The following ERCC6L2 variants were observed in gnomAD, a reference collection of about 807,000 sequenced individuals.
ERCC6L2 encodes the protein ERCC excision repair 6 like 2.
A neutral mutation model predicts 132.0 loss-of-function variants in ERCC6L2; 77 were observed. The ratio of observed to expected loss-of-function variants is 0.58; its 90% confidence interval spans 0.49 to 0.71. The LOEUF (loss-of-function observed/expected upper bound fraction) is 0.71. ERCC6L2 is among the 30% of genes least tolerant of loss of function. The pLI is 0.00. For synonymous variants in ERCC6L2, 583 were observed against 632.4 expected, an observed-to-expected ratio of 0.92 and a Z score of 1.17; for missense variants, 1,542 against 1,837.6, an observed-to-expected ratio of 0.84 and a Z score of 2.94.
chr9:95,932,775 T>C (rs56757664), intron 11 of ERCC6L2, among the ~76,000 whole-genome samples: 3,820 of 152,310 alleles, frequency 0.025, 169 homozygotes, highest in African/African-American at 0.088. Context: ...GATATACTTA[T>C]TTGATACAGG....
intron 19 of ERCC6L2, among the ~76,000 whole-genome samples, chr9:96,034,669 A>G (rs970829664): frequency 6.6e-6 from 1 of 152,152 alleles, no homozygotes; most frequent in Non-Finnish European, 1.5e-5. Flanking sequence ...CACTCCATGA[A>G]GCTGGTGGGA....
chr9:95,935,416 A>G (rs574749559), intron 11 of ERCC6L2, among the ~76,000 whole-genome samples: 1 of 152,284 alleles, frequency 6.6e-6, no homozygotes, highest in South Asian at 2.1e-4. Flanking sequence ...AACGAAGCTC[A>G]GTTTAACAGA....
intron 4 of ERCC6L2, among the ~76,000 whole-genome samples, chr9:95,914,570 T>G (rs1829491856): frequency 1.3e-5 from 2 of 152,288 alleles, no homozygotes; most frequent in Middle Eastern, 3.4e-3. Context: ...GCCAGGATGG[T>G]CTTGATTTTC....
rs547650093 is a variant in ERCC6L2 at position 95,885,042 on chromosome 9, C to T, written c.471+3749C>T. On this transcript the variant is annotated intron_variant, in intron 2 of 18. Coordinates refer to ENST00000653738, the MANE Select transcript of ERCC6L2 (RefSeq NM_020207.7). ...ATATACATGTACTTCTGTAAACACA[C>T]ACACAAACATACATATGCAAAAAAT... 3.3e-5 allele frequency among the ~76,000 whole-genome samples: 5 copies of T among 152,242 alleles called. No homozygotes were observed. The South Asian group carries it at 1.0e-3, about 32-fold the overall frequency.
At position 95,956,992 on chromosome 9, in the gene ERCC6L2, T is replaced by C. The variant is rs554285300; in HGVS notation, c.1947+979T>C. ...AGGTGCATGATGTACATGATGAAAC[T>C]GGGACCCCAGAGATCCCCCAGTAAA... On this transcript the variant is annotated intron_variant, in intron 13 of 18. Transcript: ENST00000653738. Among the ~76,000 whole-genome samples, 13 of 152,336 alleles carry C rather than the reference T, an allele frequency of 8.5e-5. No homozygotes were observed. The South Asian group carries it at 2.5e-3, about 29-fold the overall frequency.
Position 96,004,670 on chromosome 9 carries a change from A to G in ERCC6L2, c.3643A>G (p.Ile1215Val). ...KVYHTNQTTF[I>V]IGETPKGIRR... ...CTACCATACAAACCAGACCACCTTC[A>G]TAATTGGAGAAACACCAAAAGGAAT... Residue 1215 changes from isoleucine to valine, a missense_variant, in exon 18 of 19, where the codon ATA (isoleucine) becomes GTA (valine). Around this residue, in one of 4 missense-constraint regions of ERCC6L2, gnomAD observed 442 missense variants for 583.4 expected, o/e 0.76. Coordinates refer to ENST00000653738, the MANE Select transcript of ERCC6L2 (RefSeq NM_020207.7). 7.4e-7 allele frequency: 1 copy of G among 1,343,282 alleles called. No homozygotes were observed. Among genetic ancestry groups the G allele is most frequent in the Non-Finnish European group, 9.9e-7 (1 of 1,008,792 alleles). The allele number at this position is 1,343,282 out of a possible 1,614,324, so 83.2% of individuals were successfully genotyped here. A position where few individuals can be genotyped will look rare whatever the true frequency, so the allele number is the denominator to read the frequency against.
At chr9:95,989,855 A>G (rs1315381637) in intron 17 of ERCC6L2, among the ~76,000 whole-genome samples, 1 of 152,256 alleles carries the variant, frequency 6.6e-6, no homozygotes, top group Non-Finnish European at 1.5e-5. Context: ...AGAAAAGAGT[A>G]TGCAAGGGAA....
intron 19 of ERCC6L2, among the ~76,000 whole-genome samples, chr9:96,034,528 G>T (rs1345405051): frequency 6.6e-6 from 1 of 152,230 alleles, no homozygotes; most frequent in Admixed American, 6.5e-5. Context: ...TTCAGGGAAA[G>T]CTTCCTGGGA....
intron 6 of ERCC6L2, among the ~76,000 whole-genome samples, chr9:95,919,488 T>C (rs1829760606): frequency 6.6e-6 from 1 of 152,066 alleles, no homozygotes; most frequent in African/African-American, 2.4e-5. Flanking sequence ...GGCGTCAAAG[T>C]GGTCCACTTG....
At chr9:95,899,590 T>TTATATATATA (rs150595611) in intron 3 of ERCC6L2, among the ~76,000 whole-genome samples, 10 of 138,488 alleles carry the variant, frequency 7.2e-5, no homozygotes, top group African/African-American at 2.8e-4. Context: ...TTTTTTCTCT[T>TTATATATATA]TATATATATA....
In ERCC6L2 at chr9:95,972,872, T is replaced by G. The variant is rs777486284; in HGVS notation, c.3121T>G (p.Tyr1041Asp). 1.5e-4 allele frequency: 195 copies of G among 1,305,148 alleles called. No homozygotes were observed. The highest frequency in any genetic ancestry group is 1.9e-4 in the Non-Finnish European group (189 of 988,904). 80.8% of individuals were successfully genotyped at this position (1,305,148 alleles called of 1,614,324 possible). Residue 1041 changes from tyrosine (Y) to aspartate (D), a missense_variant, in exon 16 of 19, where the codon TAT becomes GAT. Coordinates refer to ENST00000653738, the MANE Select transcript of ERCC6L2 (RefSeq NM_020207.7). ...EDHNSQFIDD[Y>D]SSSDESLSVS... ...TCATAACTCTCAGTTTATTGATGAT[T>G]ATTCATCCTCAGATGAGAGTTTATC...
chr9:95,936,296 G>A (rs1438664572), intron 11 of ERCC6L2, among the ~76,000 whole-genome samples: 1 of 152,152 alleles, frequency 6.6e-6, no homozygotes, highest in Admixed American at 6.6e-5. Context: ...TCTGGGTCCA[G>A]GGAAGTATTA....
intron 18 of ERCC6L2, 82 bp downstream of exon 18, chr9:96,004,783 G>T (rs369243674): frequency 2.2e-6 from 2 of 894,828 alleles, no homozygotes; most frequent in African/African-American, 3.5e-5. Context: ...GTAAATACTT[G>T]AATTATAACC....
chr9:95,949,378 C>T (rs1481443858), intron 12 of ERCC6L2, among the ~76,000 whole-genome samples: 1 of 147,160 alleles, frequency 6.8e-6, no homozygotes, highest in Non-Finnish European at 1.5e-5. Context: ...ATAGTATAAA[C>T]CCAGTGAGAT....
chr9:95,998,245 C>A (rs1245289217), intron 17 of ERCC6L2, among the ~76,000 whole-genome samples: 1 of 152,080 alleles, frequency 6.6e-6, no homozygotes, highest in Admixed American at 6.6e-5. Context: ...ATCTACAGAA[C>A]CTTTGGAGGG....
At chr9:96,020,841 A>G (rs1012415938), downstream of ERCC6L2, 7 of 456,644 alleles carry the variant, frequency 1.5e-5, no homozygotes, top group African/African-American at 1.4e-4. Context: ...TTAAAACCCC[A>G]GAGCAGCAGC....
chr9:95,954,891 C>G (rs1347690572), intron 12 of ERCC6L2: 1 of 470,818 alleles, frequency 2.1e-6, no homozygotes, highest in East Asian at 6.9e-5. Context: ...CCAAGATGTC[C>G]TCGAGTAAAA....
chr9:96,036,659 G>A (rs79194311), intron 19 of ERCC6L2, among the ~76,000 whole-genome samples: 6,496 of 151,994 alleles, frequency 0.043, 476 homozygotes, highest in African/African-American at 0.15. Context: ...AATTTCTCAC[G>A]TCCTTTCCAA....
At position 96,016,904 on chromosome 9, in the gene ERCC6L2, TTTTGTGTG is replaced by T. The variant is rs150472065; in HGVS notation, c.*3707_*3714del. ...GGATCACTGCCTGCCTTAAAGGTTT[TTTTGTGTG>T]TTTGTTTGTTTGTTTGTTTGCATGT... On this transcript the variant is annotated 3_prime_UTR_variant, in exon 19 of 19. Coordinates refer to ENST00000653738, the MANE Select transcript of ERCC6L2 (RefSeq NM_020207.7). Among the ~76,000 whole-genome samples, 4,623 of 152,268 alleles carry T rather than the reference TTTTGTGTG, an allele frequency of 0.03. 96 individuals are homozygous for T. The highest frequency in any genetic ancestry group is 0.13 in the East Asian group (671 of 5,166).
Sources: gnomAD v4.1 joint callset for allele counts (sites outside exome capture counted in the v4.1 genomes callset) on GRCh38, gnomAD v4.1.1 for gene constraint, gnomAD v4.1.1 regional missense constraint, MANE v1.5 for transcripts, NCBI Gene and HGNC (gene_info 2026-07-23, HGNC 2026-07-21) for gene names.